The following KCNIP1 variants were observed in gnomAD, a reference collection of about 807,000 sequenced individuals.
KCNIP1 encodes the protein potassium voltage-gated channel interacting protein 1, also known as A-type potassium channel modulatory protein KCNIP1.
KCNIP1 carries 18 observed loss-of-function variants against 33.0 expected under a neutral mutation model. The observed-to-expected ratio is 0.55, with a 90% CI of 0.38 to 0.81. The LOEUF is 0.81. Ranked by LOEUF, KCNIP1 falls within the 30% of genes least tolerant of loss-of-function variation. The pLI is 0.00. For synonymous variants in KCNIP1, 93 were observed against 98.3 expected, an observed-to-expected ratio of 0.95 and a Z score of 0.32; for missense variants, 238 against 271.6, an observed-to-expected ratio of 0.88 and a Z score of 0.87.
intron 1 of KCNIP1, among the ~76,000 whole-genome samples, chr5:170,444,057 AG>A (rs1756052847): frequency 6.6e-6 from 1 of 152,234 alleles, no homozygotes; most frequent in Non-Finnish European, 1.5e-5. Context: ...CATAACTTTA[AG>A]TATGCAGATG....
chr5:170,468,573 T>C (rs1303620675), intron 1 of KCNIP1, among the ~76,000 whole-genome samples: 1 of 152,148 alleles, frequency 6.6e-6, no homozygotes, highest in Non-Finnish European at 1.5e-5. Context: ...ATTAATAGTT[T>C]TTTTATTATT....
At chr5:170,379,027 A>C (rs1164132931) in intron 1 of KCNIP1, 3 of 1,585,864 alleles carry the variant, frequency 1.9e-6, no homozygotes, top group Non-Finnish European at 2.6e-6. Flanking sequence ...TTTCTTAGCC[A>C]AGGGCTTGAT....
At chr5:170,667,923 A>C (rs1056226608) in intron 1 of KCNIP1, among the ~76,000 whole-genome samples, 1 of 152,242 alleles carries the variant, frequency 6.6e-6, no homozygotes, top group Non-Finnish European at 1.5e-5. Flanking sequence ...AAGGGAATTT[A>C]TTGGCTCATG....
chr5:170,363,846 G>A (rs1763582826), intron 1 of KCNIP1, among the ~76,000 whole-genome samples: 1 of 152,008 alleles, frequency 6.6e-6, no homozygotes, highest in African/African-American at 2.4e-5. Flanking sequence ...ACTCTGCACT[G>A]CACCCACTAA....
Position 170,733,694 on chromosome 5 carries a change from C to T in KCNIP1, c.541-142C>T. Reference sequence around the variant, plus strand: ...TGTCTGGCCAGTGAAAGACAACTCTCATTCTCAGGGCAAAGTTGGTTAATG... The same window carrying T: ...TGTCTGGCCAGTGAAAGACAACTCTTATTCTCAGGGCAAAGTTGGTTAATG... On this transcript the variant is annotated intron_variant, in intron 6 of 7. Transcript: ENST00000328939. The T allele has an allele frequency of 6.1e-6, 4 of 655,866 alleles. No homozygotes were observed. In the South Asian group the frequency reaches 7.6e-5, roughly 12 times the overall value. 40.6% of individuals were successfully genotyped at this position (655,866 alleles called of 1,614,324 possible). A position where few individuals can be genotyped will look rare whatever the true frequency, so the allele number is the denominator to read the frequency against.
At chr5:170,464,477 C>T (rs923846661) in intron 1 of KCNIP1, among the ~76,000 whole-genome samples, 14 of 152,322 alleles carry the variant, frequency 9.2e-5, no homozygotes, top group African/African-American at 2.6e-4. Context: ...TCTTGCACTT[C>T]CTGATTTCGA....
chr5:170,371,986 C>G (rs1763858233), intron 1 of KCNIP1, among the ~76,000 whole-genome samples: 1 of 152,174 alleles, frequency 6.6e-6, no homozygotes, highest in Non-Finnish European at 1.5e-5. Context: ...AATTCTGACA[C>G]TAACTACCCA....
chr5:170,618,345 C>T (rs1272561884), intron 1 of KCNIP1, among the ~76,000 whole-genome samples: 1 of 149,084 alleles, frequency 6.7e-6, no homozygotes, highest in Non-Finnish European at 1.5e-5. Context: ...CATGACTCTG[C>T]AACTCTCCAC....
chr5:170,592,412 TC>T (rs1160859733), intron 1 of KCNIP1, among the ~76,000 whole-genome samples: 1 of 152,250 alleles, frequency 6.6e-6, no homozygotes, highest in African/African-American at 2.4e-5. Flanking sequence ...AGGTTAATTA[TC>T]CAAGGTCACA....
intron 1 of KCNIP1, among the ~76,000 whole-genome samples, chr5:170,590,956 C>T (rs942103054): frequency 4.6e-5 from 7 of 152,186 alleles, no homozygotes; most frequent in Non-Finnish European, 1.0e-4. Flanking sequence ...AAGTGAGGTG[C>T]ACCACCTCCA....
At chr5:170,463,493 C>G (rs1756549699) in intron 1 of KCNIP1, among the ~76,000 whole-genome samples, 1 of 151,970 alleles carries the variant, frequency 6.6e-6, no homozygotes, top group South Asian at 2.1e-4. Flanking sequence ...TAGGATTTAT[C>G]AAAGGAATGC....
intron 1 of KCNIP1, among the ~76,000 whole-genome samples, chr5:170,608,109 A>G (rs1337144237): frequency 6.6e-6 from 1 of 152,178 alleles, no homozygotes; most frequent in East Asian, 1.9e-4. Context: ...CCTGTGACAC[A>G]CACACACCCC....
At chr5:170,672,512 A>T (rs181985555) in intron 1 of KCNIP1, among the ~76,000 whole-genome samples, 2 of 152,356 alleles carry the variant, frequency 1.3e-5, no homozygotes, top group African/African-American at 4.8e-5. Context: ...CATTGTGGGG[A>T]GAATTAATTT....
chr5:170,410,231 G>C (rs1396511706), intron 1 of KCNIP1, among the ~76,000 whole-genome samples: 1 of 152,144 alleles, frequency 6.6e-6, no homozygotes, highest in Admixed American at 6.5e-5. Flanking sequence ...TGCAGACATA[G>C]CATGGGTGCA....
At chr5:170,424,052 C>A (rs544229067) in intron 1 of KCNIP1, among the ~76,000 whole-genome samples, 2 of 152,202 alleles carry the variant, frequency 1.3e-5, no homozygotes, top group Admixed American at 6.5e-5. Flanking sequence ...CTTATGTAAC[C>A]ATTAGGCTGG....
chr5:170,609,628 G>A (rs1759066677), intron 1 of KCNIP1, among the ~76,000 whole-genome samples: 1 of 152,028 alleles, frequency 6.6e-6, no homozygotes, highest in African/African-American at 2.4e-5. Context: ...ATCACTTGAG[G>A]CCAGGAGTTC....
intron 1 of KCNIP1, among the ~76,000 whole-genome samples, chr5:170,399,297 C>G (rs938309130): frequency 6.6e-6 from 1 of 152,162 alleles, no homozygotes; most frequent in African/African-American, 2.4e-5. Flanking sequence ...TGGTGGTCAG[C>G]TTAGAATTTG....
intron 1 of KCNIP1, among the ~76,000 whole-genome samples, chr5:170,567,795 T>G (rs770749675): frequency 1.6e-4 from 24 of 152,196 alleles, no homozygotes; most frequent in Non-Finnish European, 2.8e-4. Context: ...TGATGGGAAA[T>G]GCCACTCTTG....
chr5:170,378,746 C>G (rs748310841), intron 1 of KCNIP1: 4 of 1,613,942 alleles, frequency 2.5e-6, no homozygotes, highest in Non-Finnish European at 3.4e-6. Flanking sequence ...GGTTGCTCTT[C>G]ACCATGGCGA....
Sources: allele counts gnomAD v4.1 joint callset (sites outside exome capture counted in the v4.1 genomes callset), GRCh38; gene constraint gnomAD v4.1.1; transcripts MANE v1.5; gene names NCBI Gene and HGNC (gene_info 2026-07-23, HGNC 2026-07-21).